TSC22D2: variants seen among roughly 807,000 people sequenced by gnomAD.
The protein encoded by TSC22D2 is TSC22 domain family protein 2.
Under a neutral mutation model 50.1 loss-of-function variants are expected in TSC22D2, and 5 were observed. That is an observed-to-expected ratio of 0.10 (90% CI 0.05 to 0.21). TSC22D2 has a LOEUF of 0.21. TSC22D2 is among the 10% of genes least tolerant of loss of function. TSC22D2 has a pLI of 1.00. For missense variants in TSC22D2, 1,003 were observed against 1,015.5 expected (o/e 0.99, Z 0.17); for synonymous variants, 501 against 450.1 (o/e 1.11, Z -1.43).
In TSC22D2 at chr3:150,464,208, C is replaced by T. The variant is rs925776688; in HGVS notation, c.*5572C>T. ...TGCCTGCTGCAATCCAAATGTTATCCGGATCACAGTTCTTGCTGTCATTTC... is the reference window on the plus strand; with the variant it reads ...TGCCTGCTGCAATCCAAATGTTATCTGGATCACAGTTCTTGCTGTCATTTC... On this transcript the variant is annotated 3_prime_UTR_variant, in exon 3 of 3. Transcript: ENST00000688009. 3.9e-5 allele frequency: 6 copies of T among 151,978 alleles called. No homozygotes were observed. The highest frequency in any genetic ancestry group is 1.5e-4 in the African/African-American group (6 of 41,358). The allele number at this position is 151,978 out of a possible 1,614,324, so 9.4% of individuals were successfully genotyped here.
intron 1 of TSC22D2, among the ~76,000 whole-genome samples, chr3:150,429,404 G>T (rs1382085489): frequency 6.6e-6 from 1 of 152,090 alleles, no homozygotes; most frequent in Non-Finnish European, 1.5e-5. Context: ...ACACATTACA[G>T]ACTGACTGGC....
intron 1 of TSC22D2, among the ~76,000 whole-genome samples, chr3:150,433,846 G>A (rs1720451680): frequency 6.6e-6 from 1 of 152,116 alleles, no homozygotes; most frequent in South Asian, 2.1e-4. Context: ...AGGCCAAGGT[G>A]GACAGATTGC....
At position 150,410,372 on chromosome 3, in the gene TSC22D2, A is replaced by T. The variant is rs1719486949; in HGVS notation, c.1022A>T (p.Gln341Leu). 3 of 1,602,840 alleles carry T rather than the reference A, an allele frequency of 1.9e-6. No individual in the cohort carries two copies. Among genetic ancestry groups the T allele is most frequent in the Non-Finnish European group, 2.6e-6 (3 of 1,175,316 alleles). The change falls in exon 1 of 3, where the codon CAG becomes CTG. Residue 341 changes from glutamine (Q) to leucine (L), a missense_variant. Transcript: ENST00000688009. ...LAQPAMSLPP[Q>L]PGPAVGAPAA... is the part of the protein sequence containing the mutation. ...CAGCCGGCTATGTCCCTGCCTCCGCAGCCGGGCCCTGCAGTGGGCGCCCCC... is the reference window on the plus strand; with the variant it reads ...CAGCCGGCTATGTCCCTGCCTCCGCTGCCGGGCCCTGCAGTGGGCGCCCCC...
intron 1 of TSC22D2, among the ~76,000 whole-genome samples, chr3:150,440,605 A>G (rs1036616052): frequency 3.4e-5 from 5 of 145,042 alleles, no homozygotes; most frequent in Non-Finnish European, 7.8e-5. Flanking sequence ...ATAGTGGGAT[A>G]TATTGCATGT....
At chr3:150,437,310 G>A (rs913669718) in intron 1 of TSC22D2, among the ~76,000 whole-genome samples, 7 of 151,896 alleles carry the variant, frequency 4.6e-5, no homozygotes, top group South Asian at 2.1e-4. Context: ...TGAGCAATAG[G>A]GACCACTGCT....
Position 150,410,267 on chromosome 3 carries a change from T to G in TSC22D2, c.917T>G (p.Met306Arg), listed in dbSNP as rs763678897. 1 of 1,557,052 alleles carries G rather than the reference T, an allele frequency of 6.4e-7. No homozygotes were observed. The highest frequency in any genetic ancestry group is 8.7e-7 in the Non-Finnish European group (1 of 1,151,762). The change falls in exon 1 of 3, where the codon ATG becomes AGG. Residue 306 changes from methionine (M) to arginine (R), a missense_variant. This residue lies in a region of TSC22D2 where 696 missense variants were observed against 647.8 expected (regional missense o/e 1.07). Transcript: ENST00000688009. ...GCCGCGACCGGGCCGCAGCCAATGA[T>G]GGCAGCCGCGCAGCCCAGCCAGCCC... ...PGAATGPQPM[M>R]AAAQPSQPQG...
intron 1 of TSC22D2, among the ~76,000 whole-genome samples, chr3:150,429,118 A>G (rs1368917362): frequency 6.6e-6 from 1 of 152,144 alleles, no homozygotes; most frequent in Non-Finnish European, 1.5e-5. Context: ...AAGGGTAGTA[A>G]ACTATTCTGC....
chr3:150,416,988 T>C (rs2108064185), intron 1 of TSC22D2, among the ~76,000 whole-genome samples: 1 of 152,290 alleles, frequency 6.6e-6, no homozygotes, highest in Middle Eastern at 3.4e-3. Context: ...TCCTTTTAAG[T>C]AGTACATTTA....
At chr3:150,455,926 A>T (rs1170518609) in intron 1 of TSC22D2, among the ~76,000 whole-genome samples, 1 of 151,578 alleles carries the variant, frequency 6.6e-6, no homozygotes, top group Non-Finnish European at 1.5e-5. Context: ...ATAAAAGGGT[A>T]TAAATTCCAG....
At position 150,465,488 on chromosome 3, in the gene TSC22D2, T is replaced by C. The variant is rs894097851; in HGVS notation, c.*6852T>C. 2 of 152,188 alleles carry C rather than the reference T, an allele frequency of 1.3e-5. No homozygotes were observed. Among genetic ancestry groups the C allele is most frequent in the African/African-American group, 4.8e-5 (2 of 41,458 alleles). 9.4% of individuals were successfully genotyped at this position (152,188 alleles called of 1,614,324 possible). A position where few individuals can be genotyped will look rare whatever the true frequency, so the allele number is the denominator to read the frequency against. On this transcript the variant is annotated 3_prime_UTR_variant, in exon 3 of 3. Transcript: ENST00000688009. ...TTGGCACAGCCTCTTTTAAAGACAA[T>C]TGTGTATCACCCATTAAATTTTAAA...
At position 150,410,902 on chromosome 3, in the gene TSC22D2, G is replaced by C. The variant is rs765493050; in HGVS notation, c.1552G>C (p.Val518Leu). 2.8e-5 allele frequency: 45 copies of C among 1,613,954 alleles called. No individual in the cohort carries two copies. ...GCCTGCAGCCGTGCCCGCTCCAAGC[G>C]TGCCTAGTGTGTCTACCACTTCTGT... ...NVPAAVPAPS[V>L]PSVSTTSVTM... The change falls in exon 1 of 3, where the codon GTG becomes CTG. Residue 518 changes from valine (V) to leucine (L), a missense_variant. By Grantham distance (32) the Val-to-Leu change is conservative (BLOSUM62 1). Coordinates refer to ENST00000688009, the MANE Select transcript of TSC22D2 (RefSeq NM_001303264.2).
intron 1 of TSC22D2, chr3:150,438,326 C>A: frequency 3.1e-6 from 1 of 326,302 alleles, no homozygotes; most frequent in Non-Finnish European, 6.7e-6. Flanking sequence ...TGAATGTTGT[C>A]CACAAGAGTG....
intron 1 of TSC22D2, among the ~76,000 whole-genome samples, chr3:150,447,732 C>G (rs770123474): frequency 2.0e-5 from 3 of 152,146 alleles, no homozygotes; most frequent in Non-Finnish European, 4.4e-5. Context: ...TCTCACTGAT[C>G]TCTCAAGATT....
In TSC22D2 at chr3:150,409,208, G is replaced by A. The variant is rs957517083; in HGVS notation, c.-143G>A. On this transcript the variant is annotated 5_prime_UTR_variant, in exon 1 of 3. Transcript: ENST00000688009. The surrounding 1 kb of genome is among the most constrained non-coding windows in gnomAD (Gnocchi z 7.4). ...CACCGGGCGGCCAGCGCCTGGATCA[G>A]CCCGTGACTCTTAACAGCGGCGGGC... 2 of 941,682 alleles carry A rather than the reference G, an allele frequency of 2.1e-6. No homozygotes were observed. The highest frequency in any genetic ancestry group is 2.9e-5 in the Admixed American group (1 of 34,602). The allele number at this position is 941,682 out of a possible 1,614,324, so 58.3% of individuals were successfully genotyped here.
intron 1 of TSC22D2, among the ~76,000 whole-genome samples, chr3:150,442,442 A>G (rs1044119642): frequency 1.3e-5 from 2 of 152,378 alleles, no homozygotes; most frequent in South Asian, 2.1e-4. Context: ...ATTGTATACA[A>G]TTAGAGACAA....
chr3:150,457,254 A>G (rs1473109445), intron 2 of TSC22D2, 127 bp downstream of exon 2: 1 of 879,496 alleles, frequency 1.1e-6, no homozygotes, highest in African/African-American at 1.7e-5. Context: ...TTTTTTGATA[A>G]TGAGATTTAG....
rs747572848 is a variant in TSC22D2 at position 150,428,609 on chromosome 3, ACAT to A, written c.1958+17302_1958+17304del. On this transcript the variant is annotated intron_variant, in intron 1 of 2. Coordinates refer to ENST00000688009, the MANE Select transcript of TSC22D2 (RefSeq NM_001303264.2). ...CTGGGTATAGTAAAAAAAAAAAAAA[ACAT>A]ACTTAGATATGTGTGTTAATGGCAT... 2.3e-3 allele frequency among the ~76,000 whole-genome samples: 336 copies of A among 148,050 alleles called. 2 individuals are homozygous for A. Among genetic ancestry groups the A allele is most frequent in the African/African-American group, 5.8e-3 (233 of 40,244 alleles).
chr3:150,440,600 G>A (rs894484923), intron 1 of TSC22D2, among the ~76,000 whole-genome samples: 42 of 147,436 alleles, frequency 2.8e-4, no homozygotes, highest in African/African-American at 1.0e-3. Context: ...TTGGGATAGT[G>A]GGATATATTG....
intron 1 of TSC22D2, chr3:150,438,226 A>G: frequency 2.3e-6 from 1 of 429,210 alleles, no homozygotes; most frequent in Non-Finnish European, 4.8e-6. Context: ...GCATCGGAGG[A>G]GGAATGTGAC....
Sources: allele counts gnomAD v4.1 joint callset (sites outside exome capture counted in the v4.1 genomes callset), GRCh38; gene constraint gnomAD v4.1.1; regional missense constraint gnomAD v4.1.1; non-coding constraint Gnocchi (gnomAD v3.1); transcripts MANE v1.5; gene names NCBI Gene and HGNC (gene_info 2026-07-23, HGNC 2026-07-21).